Variants in MOCOS observed in about 807,000 individuals in gnomAD.
The protein encoded by MOCOS is molybdenum cofactor sulfurase.
In MOCOS, 86 loss-of-function variants were observed where a neutral mutation model predicts 83.6. That is an observed-to-expected ratio of 1.03 (90% CI 0.86 to 1.23). The LOEUF (loss-of-function observed/expected upper bound fraction) is 1.23. MOCOS is among the 50% of genes most tolerant of loss of function. The pLI, the probability that MOCOS is intolerant of heterozygous loss-of-function variation, is 0.00. For missense variants in MOCOS, 1,120 were observed against 1,126.9 expected (o/e 0.99, Z 0.09); for synonymous variants, 445 against 434.7 (o/e 1.02, Z -0.29).
chr18:36,248,991 G>A lies in MOCOS; in HGVS notation c.2030G>A (p.Cys677Tyr), dbSNP rs1182753853. ...ACTCAGATTCGCCAAAGCAGGGTCT[G>A]TGCTGACAGGTGAGACTCTGAAGCA... is the stretch of plus-strand genomic sequence containing the variant. ...ERTQIRQSRV[C>Y]ADRVSTYDCG... The change falls in exon 10 of 15, where the codon TGT (cysteine) becomes TAT (tyrosine). Residue 677 changes from cysteine (C) to tyrosine (Y), a missense_variant. By Grantham distance (194) the Cys-to-Tyr change is radical. Transcript: ENST00000261326. 2 of 1,614,002 alleles carry A rather than the reference G, an allele frequency of 1.2e-6. No individual in the cohort carries two copies. The highest frequency in any genetic ancestry group is 3.3e-5 in the Admixed American group (2 of 59,984).
At chr18:36,221,142 A>G (rs762069252) in intron 9 of MOCOS, among the ~76,000 whole-genome samples, 12 of 152,174 alleles carry the variant, frequency 7.9e-5, no homozygotes, top group Non-Finnish European at 1.8e-4. Flanking sequence ...AAAATGTTCA[A>G]ACTATACCTT....
intron 10 of MOCOS, among the ~76,000 whole-genome samples, chr18:36,250,492 T>C (rs1416039907): frequency 6.6e-6 from 1 of 152,188 alleles, no homozygotes; most frequent in Non-Finnish European, 1.5e-5. Flanking sequence ...GATGTGATGA[T>C]TGTGCTTGAC....
chr18:36,242,006 C>A (rs755233386), intron 9 of MOCOS, among the ~76,000 whole-genome samples: 46 of 152,236 alleles, frequency 3.0e-4, no homozygotes, highest in Non-Finnish European at 5.6e-4. Context: ...GGCCTCCGGG[C>A]CGTGATGAGA....
intron 11 of MOCOS, among the ~76,000 whole-genome samples, chr18:36,252,567 T>A (rs1480861848): frequency 2.0e-5 from 3 of 151,674 alleles, no homozygotes; most frequent in African/African-American, 7.3e-5. Context: ...CAAAAAAAAA[T>A]TTAAAAAATT....
intron 9 of MOCOS, among the ~76,000 whole-genome samples, chr18:36,230,493 C>A (rs773550417): frequency 3.2e-4 from 49 of 152,290 alleles, no homozygotes; most frequent in Admixed American, 9.2e-4. Flanking sequence ...GGGGTCACTA[C>A]CAACTCTTTC....
chr18:36,230,461 A>G (rs1219925543), intron 9 of MOCOS, among the ~76,000 whole-genome samples: 1 of 152,092 alleles, frequency 6.6e-6, no homozygotes, highest in Non-Finnish European at 1.5e-5. Context: ...ACCCCTACCA[A>G]TCAGATTGGC....
chr18:36,263,249 G>C (rs2091670168), intron 13 of MOCOS, among the ~76,000 whole-genome samples: 1 of 152,074 alleles, frequency 6.6e-6, no homozygotes, highest in African/African-American at 2.4e-5. Context: ...TATTCCTGTT[G>C]ACCTTATAAT....
intron 12 of MOCOS, 60 bp from the exon 13 acceptor site, chr18:36,259,977 A>T: frequency 1.9e-6 from 3 of 1,601,192 alleles, no homozygotes; most frequent in East Asian, 2.2e-5. Context: ...ATGAATTATT[A>T]TAGTGGTACA....
intron 9 of MOCOS, among the ~76,000 whole-genome samples, chr18:36,221,648 TGTTCC>T (rs2144923266): frequency 7.4e-6 from 1 of 134,972 alleles, no homozygotes; most frequent in African/African-American, 2.6e-5. Flanking sequence ...TGTTCTGTTC[TGTTCC>T]CGTGGTTTAT....
chr18:36,228,756 AATAATCTGT>A (rs559461973), intron 9 of MOCOS, among the ~76,000 whole-genome samples: 122 of 152,078 alleles, frequency 8.0e-4, no homozygotes, highest in Non-Finnish European at 1.5e-3. Flanking sequence ...TGGGTGATGA[AATAATCTGT>A]ATAACAAACC....
chr18:36,212,347 G>A (rs1175081969), intron 6 of MOCOS, among the ~76,000 whole-genome samples: 1 of 152,104 alleles, frequency 6.6e-6, no homozygotes, highest in Non-Finnish European at 1.5e-5. Flanking sequence ...AGTGGGTGAG[G>A]GGCAGCCACG....
intron 1 of MOCOS, chr18:36,189,767 T>C (rs1381160897): frequency 6.6e-6 from 1 of 152,238 alleles, no homozygotes; most frequent in Non-Finnish European, 1.5e-5. Context: ...GAATTCTCTT[T>C]CCTGAAGAAG....
chr18:36,190,894 C>A (rs556808468), intron 1 of MOCOS, among the ~76,000 whole-genome samples: 1 of 151,494 alleles, frequency 6.6e-6, no homozygotes, highest in African/African-American at 2.4e-5. Context: ...AAAATTAGCC[C>A]GGTGTGGTGG....
At chr18:36,204,267 T>G (rs1003327775) in intron 5 of MOCOS, among the ~76,000 whole-genome samples, 8 of 152,082 alleles carry the variant, frequency 5.3e-5, no homozygotes, top group Admixed American at 5.2e-4. Flanking sequence ...TGGAACTACT[T>G]TTTTTTCTCT....
chr18:36,198,886 A>G (rs1014108941), intron 3 of MOCOS, 130 bp downstream of exon 3: 10 of 916,226 alleles, frequency 1.1e-5, no homozygotes, highest in Middle Eastern at 2.8e-4. Flanking sequence ...AAGGCAATGC[A>G]TGTATGTTGA....
intron 5 of MOCOS, 41 bp downstream of exon 5, chr18:36,203,230 G>A: frequency 6.4e-7 from 1 of 1,569,762 alleles, no homozygotes. Context: ...TGCTCCTGTT[G>A]TGTCCTTGAG....
chr18:36,205,100 C>T lies in MOCOS; in HGVS notation c.1042C>T (p.His348Tyr), dbSNP rs935815098. Residue 348 changes from histidine (H) to tyrosine (Y), a missense_variant, in exon 6 of 15, where the codon CAC (histidine) becomes TAC (tyrosine). Transcript: ENST00000261326. Reference sequence around the variant, plus strand: ...AGGTGGAATGGAGAATATAAAGCAGCACACCTTCACCTTGGCTCAGTATAC... The same window carrying T: ...AGGTGGAATGGAGAATATAAAGCAGTACACCTTCACCTTGGCTCAGTATAC... ...LTGGMENIKQ[H>Y]TFTLAQYTYV... The T allele has an allele frequency of 2.8e-5, 45 of 1,609,526 alleles. No individual in the cohort carries two copies. Among genetic ancestry groups the T allele is most frequent in the Non-Finnish European group, 3.7e-5 (44 of 1,177,494 alleles).
At chr18:36,197,411 A>T (rs937091224) in intron 2 of MOCOS, among the ~76,000 whole-genome samples, 9 of 149,826 alleles carry the variant, frequency 6.0e-5, no homozygotes, top group Non-Finnish European at 1.3e-4. Context: ...GCTCTAAAAT[A>T]CTCTTCCCGA....
chr18:36,236,319 G>A (rs2091558756), intron 9 of MOCOS, among the ~76,000 whole-genome samples: 1 of 81,554 alleles, frequency 1.2e-5, no homozygotes, highest in Non-Finnish European at 2.4e-5. Flanking sequence ...TAAGGTGTAA[G>A]GAAGGGATCC....
Sources: gnomAD v4.1 joint callset for allele counts (sites outside exome capture counted in the v4.1 genomes callset) on GRCh38, gnomAD v4.1.1 for gene constraint, MANE v1.5 for transcripts, NCBI Gene and HGNC (gene_info 2026-07-23, HGNC 2026-07-21) for gene names.